RIMS2: variants seen among roughly 807,000 people sequenced by gnomAD.
RIMS2 encodes regulating synaptic membrane exocytosis protein 2.
Under a neutral mutation model 174.4 loss-of-function variants are expected in RIMS2, and 59 were observed. The ratio of observed to expected loss-of-function variants is 0.34; its 90% CI spans 0.27 to 0.42. The LOEUF (loss-of-function observed/expected upper bound fraction) is 0.42. RIMS2 is among the 10% of genes least tolerant of loss of function. RIMS2 has a pLI of 1.00. For synonymous variants in RIMS2, 606 were observed against 572.5 expected, an observed-to-expected ratio of 1.06 and a Z score of -0.84; for missense variants, 1,620 against 1,666.3, an observed-to-expected ratio of 0.97 and a Z score of 0.48.
In RIMS2 at chr8:104,102,795, C is replaced by T. The variant is rs1008854828; in HGVS notation, c.3334+88180C>T. On this transcript the variant is annotated intron_variant, in intron 19 of 23. Coordinates refer to ENST00000504942, the Ensembl canonical transcript of RIMS2. ...TCACGAGAGCAGCATGGGAAAAACC[C>T]GTCCCCATGATTCAATTACCTCCCA... Among the ~76,000 whole-genome samples, 4 of 152,068 alleles carry T rather than the reference C, an allele frequency of 2.6e-5. No homozygotes were observed. The East Asian group carries it at 5.8e-4, about 22-fold the overall frequency.
chr8:103,585,330 G>A (rs917587980), intron 1 of RIMS2, among the ~76,000 whole-genome samples: 1 of 152,072 alleles, frequency 6.6e-6, no homozygotes, highest in Admixed American at 6.6e-5. Flanking sequence ...AGACAGGGTG[G>A]TGATTCTTCT....
chr8:103,668,645 G>A (rs1476300308), intron 1 of RIMS2, among the ~76,000 whole-genome samples: 1 of 140,318 alleles, frequency 7.1e-6, no homozygotes, highest in East Asian at 1.9e-4. Flanking sequence ...GAGTCATGGA[G>A]TATAGACGAT....
chr8:104,232,203 G>C lies in RIMS2; in HGVS notation c.3335-12713G>C, dbSNP rs28483456. On this transcript the variant is annotated intron_variant, in intron 19 of 23. Coordinates refer to ENST00000504942, the Ensembl canonical transcript of RIMS2. ...TGAATAAATGAACAAGTACCTGGTC[G>C]GTTTCTATGTTGTTATTGTGGAATG... Among the ~76,000 whole-genome samples the C allele has an allele frequency of 9.9e-3, 1,510 of 152,218 alleles. 21 individuals are homozygous for C. Among genetic ancestry groups the C allele is most frequent in the African/African-American group, 0.033 (1,360 of 41,526 alleles).
chr8:103,638,425 T>C (rs1174501967), intron 1 of RIMS2, among the ~76,000 whole-genome samples: 1 of 152,104 alleles, frequency 6.6e-6, no homozygotes, highest in Non-Finnish European at 1.5e-5. Flanking sequence ...ATGTTTCTTA[T>C]TTGGCACTCT....
intron 19 of RIMS2, among the ~76,000 whole-genome samples, chr8:104,133,079 T>C (rs2098485734): frequency 6.6e-6 from 1 of 152,228 alleles, no homozygotes; most frequent in South Asian, 2.1e-4. Flanking sequence ...TAAGTTCTAG[T>C]GTCAGACTGC....
At chr8:103,846,029 T>C (rs2098966196) in intron 3 of RIMS2, among the ~76,000 whole-genome samples, 1 of 152,154 alleles carries the variant, frequency 6.6e-6, no homozygotes, top group African/African-American at 2.4e-5. Flanking sequence ...TTGTCTCACC[T>C]TGATTCTGCC....
chr8:104,036,364 G>A (rs933024550), intron 19 of RIMS2, among the ~76,000 whole-genome samples: 14 of 151,304 alleles, frequency 9.3e-5, no homozygotes, highest in Admixed American at 9.2e-4. Context: ...TGTTAGCCAG[G>A]ATGGTCTCTA....
At chr8:103,823,760 G>A (rs749750612) in intron 3 of RIMS2, among the ~76,000 whole-genome samples, 1 of 151,884 alleles carries the variant, frequency 6.6e-6, no homozygotes, top group African/African-American at 2.4e-5. Flanking sequence ...TGAAAGAACA[G>A]CATGCTTACT....
chr8:103,931,483 T>C (rs1029243567), intron 12 of RIMS2, 90 bp downstream of exon 14: 2 of 869,112 alleles, frequency 2.3e-6, no homozygotes, highest in East Asian at 2.6e-5. Context: ...CATTTATTGG[T>C]ATCATACTAG....
chr8:104,170,094 T>C (rs557805286), intron 19 of RIMS2, among the ~76,000 whole-genome samples: 1 of 152,176 alleles, frequency 6.6e-6, no homozygotes, highest in Non-Finnish European at 1.5e-5. Context: ...ATGTTGTCTA[T>C]CTTGGAGAAT....
chr8:103,903,248 T>C (rs2073610179), intron 4 of RIMS2, among the ~76,000 whole-genome samples: 1 of 152,064 alleles, frequency 6.6e-6, no homozygotes, highest in Admixed American at 6.6e-5. Flanking sequence ...ATAAAATTGA[T>C]AAGGGGTGAA....
chr8:103,938,675 A>G (rs771024432), intron 13 of RIMS2, among the ~76,000 whole-genome samples: 4 of 152,204 alleles, frequency 2.6e-5, no homozygotes, highest in African/African-American at 7.2e-5. Context: ...TCCAGAGTCC[A>G]AAGTCCAAAG....
chr8:103,929,767 CTTT>C (rs1454134883), intron 11 of RIMS2, among the ~76,000 whole-genome samples: 1 of 151,868 alleles, frequency 6.6e-6, no homozygotes, highest in Non-Finnish European at 1.5e-5. Flanking sequence ...AGAATAGTCT[CTTT>C]TTTGCCCGTT....
chr8:103,585,260 G>A (rs937749016), intron 1 of RIMS2, among the ~76,000 whole-genome samples: 2 of 152,266 alleles, frequency 1.3e-5, no homozygotes, highest in Admixed American at 1.3e-4. Flanking sequence ...TGAGGCTGTG[G>A]AGAAATAGGA....
intron 19 of RIMS2, among the ~76,000 whole-genome samples, chr8:104,126,665 G>A (rs1211296576): frequency 6.6e-6 from 1 of 152,168 alleles, no homozygotes; most frequent in African/African-American, 2.4e-5. Flanking sequence ...GTGAGTGCTT[G>A]TAACACAATG....
intron 1 of RIMS2, among the ~76,000 whole-genome samples, chr8:103,551,253 G>A (rs768179552): frequency 3.9e-5 from 6 of 152,252 alleles, no homozygotes; most frequent in South Asian, 2.1e-4. Context: ...TATCCACCAC[G>A]ATCAAGTGGG....
intron 15 of RIMS2, among the ~76,000 whole-genome samples, chr8:103,969,766 T>TA (rs1179302105): frequency 6.6e-6 from 1 of 152,172 alleles, no homozygotes; most frequent in Non-Finnish European, 1.5e-5. Context: ...TCTTTTTTTT[T>TA]AGACAGGGAC....
chr8:103,676,085 A>T (rs1273696302), intron 1 of RIMS2, among the ~76,000 whole-genome samples: 3 of 152,208 alleles, frequency 2.0e-5, no homozygotes, highest in African/African-American at 7.2e-5. Flanking sequence ...CCCATTTAAG[A>T]CAAGATGGCC....
At chr8:103,772,474 A>G (rs1443454538) in intron 3 of RIMS2, among the ~76,000 whole-genome samples, 2 of 152,144 alleles carry the variant, frequency 1.3e-5, no homozygotes, top group South Asian at 2.1e-4. Flanking sequence ...TACAAGGTCC[A>G]TATGTTGAAA....
Sources: allele counts gnomAD v4.1 joint callset (sites outside exome capture counted in the v4.1 genomes callset), GRCh38; gene constraint gnomAD v4.1.1; transcripts MANE v1.5; gene names NCBI Gene and HGNC (gene_info 2026-07-23, HGNC 2026-07-21).